Variants in PURG observed in about 807,000 individuals in gnomAD.
PURG encodes the protein purine-rich element-binding protein gamma.
In PURG, 3 loss-of-function variants were observed where a neutral mutation model predicts 24.3. The observed-to-expected ratio is 0.12, with a 90% confidence interval of 0.06 to 0.32. PURG has a LOEUF of 0.32. Ranked by LOEUF, PURG falls within the 10% of genes least tolerant of loss-of-function variation. PURG has a pLI of 1.00. For missense variants in PURG, 371 were observed against 439.1 expected (o/e 0.84, Z 1.39); for synonymous variants, 180 against 173.1 (o/e 1.04, Z -0.31).
At chr8:31,022,047 T>C (rs1318440177) in intron 1 of PURG, among the ~76,000 whole-genome samples, 9 of 151,366 alleles carry the variant, frequency 5.9e-5, no homozygotes, top group Admixed American at 2.6e-4. Context: ...CTCAGCTCAC[T>C]GCAACCTCCG....
chr8:31,027,998 C>T (rs2129845028), downstream of PURG, among the ~76,000 whole-genome samples: 1 of 151,826 alleles, frequency 6.6e-6, no homozygotes, highest in South Asian at 2.1e-4. Context: ...GCTAACCACA[C>T]TTTTAATTTG....
chr8:31,029,114 G>T (rs376879353), downstream of PURG, among the ~76,000 whole-genome samples: 152 of 151,906 alleles, frequency 1.0e-3, 6 homozygotes, highest in South Asian at 0.021. Context: ...CATGTCCTAA[G>T]ACCAGAGTTT....
intron 1 of PURG, among the ~76,000 whole-genome samples, chr8:30,999,419 G>C (rs990516524): frequency 1.3e-5 from 2 of 151,814 alleles, no homozygotes; most frequent in Non-Finnish European, 3.0e-5. Context: ...TAAATTAAAG[G>C]TTTTGAAATT....
At chr8:30,998,213 C>A (rs973287852) in intron 1 of PURG, among the ~76,000 whole-genome samples, 1 of 151,638 alleles carries the variant, frequency 6.6e-6, no homozygotes, top group Non-Finnish European at 1.5e-5. Flanking sequence ...ATCACATATA[C>A]TTTTGTTATT....
At chr8:31,025,228 A>G (rs140456961) in intron 1 of PURG, among the ~76,000 whole-genome samples, 256 of 152,134 alleles carry the variant, frequency 1.7e-3, no homozygotes, top group African/African-American at 5.7e-3. Flanking sequence ...AAGCTCTTCA[A>G]TTAAGGATGG....
downstream of PURG, among the ~76,000 whole-genome samples, chr8:31,030,428 A>G (rs937917222): frequency 2.6e-5 from 4 of 152,154 alleles, no homozygotes; most frequent in Non-Finnish European, 4.4e-5. Flanking sequence ...TGGTACACAT[A>G]TAACACTATA....
chr8:31,031,785 A>C lies in PURG; in HGVS notation c.998T>G (p.Met333Arg). The C allele has an allele frequency of 6.4e-7, 1 of 1,552,906 alleles. No individual in the cohort carries two copies. The highest frequency in any genetic ancestry group is 8.7e-7 in the Non-Finnish European group (1 of 1,147,518). Residue 333 changes from methionine (M) to arginine (R), a missense_variant, in exon 2 of 2, where the codon ATG (methionine) becomes AGG (arginine). Around this residue, in one of 5 missense-constraint regions of PURG, gnomAD observed 103 missense variants for 127.7 expected, o/e 0.81. Coordinates refer to ENST00000523392, the MANE Select transcript of PURG (RefSeq NM_001323311.2). ...KICNSHKEKRMDGRKASGEEQ... is the reference protein window; with the variant it reads ...KICNSHKEKRRDGRKASGEEQ... ...TTCACCACTGGCCTTTCTGCCATCCATTCTCTTTTCTTTATGGCTGTTGCA... is the reference window on the plus strand; with the variant it reads ...TTCACCACTGGCCTTTCTGCCATCCCTTCTCTTTTCTTTATGGCTGTTGCA...
chr8:31,016,759 C>A (rs568161676), intron 1 of PURG, among the ~76,000 whole-genome samples: 3 of 152,130 alleles, frequency 2.0e-5, no homozygotes, highest in African/African-American at 4.8e-5. Context: ...GGGACCAAAC[C>A]TGTATTTTTA....
chr8:31,021,297 G>A (rs1810984185), intron 1 of PURG, among the ~76,000 whole-genome samples: 1 of 152,150 alleles, frequency 6.6e-6, no homozygotes, highest in African/African-American at 2.4e-5. Flanking sequence ...TAGACCCATG[G>A]TGAATAGTAA....
intron 1 of PURG, among the ~76,000 whole-genome samples, chr8:31,017,255 A>C (rs2129814377): frequency 6.6e-6 from 1 of 152,118 alleles, no homozygotes; most frequent in Middle Eastern, 3.4e-3. Flanking sequence ...GCGAGATGAA[A>C]CCCATTTACC....
rs146870201 is a variant in PURG at position 31,031,925 on chromosome 8, G to A, written c.858C>T (p.Phe286=). 8.1e-6 allele frequency: 13 copies of A among 1,614,010 alleles called. No individual in the cohort carries two copies. In the African/African-American group the frequency reaches 1.5e-4, roughly 18 times the overall value. The change falls in exon 2 of 2, where the codon TTC becomes TTT. Residue 286 remains phenylalanine (F), a synonymous_variant. Transcript: ENST00000523392. The stretch of plus-strand genomic sequence containing the variant: ...GTGGTCTCACCTCACTTACCTTCAG[G>A]AAAATTCCATATTTATTAGAGCCCA... ...FDVGSNKYGI[F]LKVSEVRPPY...
chr8:31,021,318 C>T (rs1262203549), intron 1 of PURG, among the ~76,000 whole-genome samples: 1 of 152,184 alleles, frequency 6.6e-6, no homozygotes, highest in African/African-American at 2.4e-5. Context: ...TTTGTCTCCT[C>T]TCTGCCCTTA....
rs201870746 is a variant in PURG at position 31,002,361 on chromosome 8, T to TTTTTTTTTTTTTAA, written c.865-5665_865-5664insTTAAAAAAAAAAAA. Among the ~76,000 whole-genome samples, 306 of 152,282 alleles carry TTTTTTTTTTTTTAA rather than the reference T, an allele frequency of 2.0e-3. 3 individuals carry two copies. Among genetic ancestry groups the TTTTTTTTTTTTTAA allele is most frequent in the African/African-American group, 7.0e-3 (289 of 41,516 alleles). On this transcript the variant is annotated intron_variant, in intron 1 of 1. Coordinates refer to the PURG transcript ENST00000339382. ...ACAGTATTCAAAATATATTTTCTTT[T>TTTTTTTTTTTTTAA]AAAAAAGGATAGTTAAATCCCAAAA... is the stretch of plus-strand genomic sequence containing the variant.
chr8:31,005,161 A>G (rs1810616583), intron 1 of PURG, among the ~76,000 whole-genome samples: 1 of 152,196 alleles, frequency 6.6e-6, no homozygotes, highest in South Asian at 2.1e-4. Flanking sequence ...GACCAGGCAT[A>G]GTGGCTTATG....
In PURG at chr8:31,032,803, C is replaced by A; in HGVS notation, c.-6-15G>T. The A allele has an allele frequency of 7.1e-7, 1 of 1,403,798 alleles. No individual in the cohort carries two copies. Among genetic ancestry groups the A allele is most frequent in the South Asian group, 1.8e-5 (1 of 56,848 alleles). 87.0% of individuals were successfully genotyped at this position (1,403,798 alleles called of 1,614,324 possible). A position where few individuals can be genotyped will look rare whatever the true frequency, so the allele number is the denominator to read the frequency against. On this transcript the variant is annotated splice_polypyrimidine_tract_variant and intron_variant, in intron 1 of 1. Coordinates refer to ENST00000523392, the MANE Select transcript of PURG (RefSeq NM_001323311.2). This position sits in a 1 kb window ranked among gnomAD's most constrained non-coding sequence, Gnocchi z 5.9. Reference sequence around the variant, plus strand: ...TCCATCTTCAGCTGCAAGTAACAAACAGACACACGGGATGGGGTGGGGGAG... The same window carrying A: ...TCCATCTTCAGCTGCAAGTAACAAAAAGACACACGGGATGGGGTGGGGGAG...
At chr8:31,030,740 T>C (rs1811178341), downstream of PURG, 1 of 151,846 alleles carries the variant, frequency 6.6e-6, no homozygotes, top group Non-Finnish European at 1.5e-5. Flanking sequence ...AGGGTAGCAA[T>C]TGCAAAAGTG....
chr8:31,022,987 A>C (rs1180688123), intron 1 of PURG, among the ~76,000 whole-genome samples: 2 of 152,194 alleles, frequency 1.3e-5, no homozygotes, highest in African/African-American at 2.4e-5. Context: ...CTTTTGGTAA[A>C]GTTGCTTAGA....
chr8:31,019,513 A>C (rs1810952394), intron 1 of PURG, among the ~76,000 whole-genome samples: 1 of 151,026 alleles, frequency 6.6e-6, no homozygotes, highest in South Asian at 2.1e-4. Context: ...TTTGTATTTT[A>C]GTAGAGACGG....
At chr8:31,011,997 A>G (rs945414695) in intron 1 of PURG, among the ~76,000 whole-genome samples, 2 of 152,192 alleles carry the variant, frequency 1.3e-5, no homozygotes, top group African/African-American at 2.4e-5. Context: ...TTTCATTAAC[A>G]ATTGTCGCCA....
Sources: gnomAD v4.1 joint callset for allele counts (sites outside exome capture counted in the v4.1 genomes callset) on GRCh38, gnomAD v4.1.1 for gene constraint, gnomAD v4.1.1 regional missense constraint, Gnocchi (gnomAD v3.1) non-coding constraint, MANE v1.5 for transcripts, NCBI Gene and HGNC (gene_info 2026-07-23, HGNC 2026-07-21) for gene names.